ADD2: variants seen among roughly 807,000 people sequenced by gnomAD.
The protein encoded by ADD2 is adducin 2, also known as beta-adducin.
A neutral mutation model predicts 83.0 loss-of-function variants in ADD2; 23 were observed. The ratio of observed to expected loss-of-function variants is 0.28; its 90% CI spans 0.20 to 0.39. The LOEUF (loss-of-function observed/expected upper bound fraction) is 0.39, where lower values mean the gene tolerates loss of function less well. Ranked by LOEUF, ADD2 falls within the 10% of genes least tolerant of loss-of-function variation. The pLI, the probability that ADD2 is intolerant of heterozygous loss-of-function variation, is 1.00. For synonymous variants in ADD2, 375 were observed against 375.4 expected (o/e 1.00, Z 0.01); for missense variants, 758 against 944.9 (o/e 0.80, Z 2.59).
At chr2:70,687,973 GCC>G (rs1553370808) in intron 9 of ADD2, 49 bp downstream of exon 9, 2 of 1,438,208 alleles carry the variant, frequency 1.4e-6, no homozygotes, top group South Asian at 2.3e-5. Context: ...TTGCCCACAG[GCC>G]CCTGTCAGAG....
rs1387630558 is a variant in ADD2 at position 70,661,051 on chromosome 2, G to A, written c.*2374C>T. 1 of 152,116 alleles carries A rather than the reference G, an allele frequency of 6.6e-6. No homozygotes were observed. The highest frequency in any genetic ancestry group is 1.5e-5 in the Non-Finnish European group (1 of 68,028). 9.4% of individuals were successfully genotyped at this position (152,116 alleles called of 1,614,324 possible). ...ACAGGTTCATCTATCAATAGAAAGT[G>A]GGCCCATGGCATAAATTCCCAGAAT... On this transcript the variant is annotated 3_prime_UTR_variant, in exon 16 of 16. Coordinates refer to ENST00000264436, the MANE Select transcript of ADD2 (RefSeq NM_001617.4).
chr2:70,737,701 G>A (rs541152840), intron 1 of ADD2, among the ~76,000 whole-genome samples: 4 of 152,234 alleles, frequency 2.6e-5, no homozygotes, highest in African/African-American at 9.6e-5. Flanking sequence ...TTGTGCACAT[G>A]TACCCTAGAA....
At chr2:70,704,263 T>TGC in intron 4 of ADD2, 58 bp downstream of exon 4, 1 of 913,236 alleles carries the variant, frequency 1.1e-6, no homozygotes, top group Non-Finnish European at 1.7e-6. Context: ...CTCCCTCTCT[T>TGC]CCCCACCCCA....
chr2:70,718,571 A>G (rs571931056), intron 1 of ADD2, among the ~76,000 whole-genome samples: 22 of 152,344 alleles, frequency 1.4e-4, no homozygotes, highest in African/African-American at 5.0e-4. Context: ...GGGTGCACAT[A>G]ATGAGGACCA....
chr2:70,693,333 G>C (rs1008291624), intron 6 of ADD2, among the ~76,000 whole-genome samples: 1 of 152,156 alleles, frequency 6.6e-6, no homozygotes, highest in Non-Finnish European at 1.5e-5. Context: ...TTCACTGACT[G>C]CAGTTGTTCC....
intron 1 of ADD2, among the ~76,000 whole-genome samples, chr2:70,746,379 C>A (rs561218536): frequency 8.5e-4 from 130 of 152,290 alleles, no homozygotes; most frequent in African/African-American, 3.0e-3. Context: ...AAAGAATATG[C>A]AAACATTAAA....
At chr2:70,723,103 C>A (rs1178293301) in intron 1 of ADD2, among the ~76,000 whole-genome samples, 3 of 152,196 alleles carry the variant, frequency 2.0e-5, no homozygotes, top group Non-Finnish European at 4.4e-5. Context: ...TTCCACCATA[C>A]AGGACCATGG....
chr2:70,675,115 C>A, intron 13 of ADD2: 1 of 1,127,562 alleles, frequency 8.9e-7, no homozygotes, highest in Non-Finnish European at 1.1e-6. Context: ...ACCTTTATTG[C>A]AATCCCTTCT....
rs1675613625 is a variant in ADD2, at chr2:70,663,392, A to G, written c.*33T>C. ...GGGAGAAGGGAAGGGGAGGAGAGAG[A>G]GGAGGCAGGAGGGAGCCCAAGGGTG... On this transcript the variant is annotated 3_prime_UTR_variant, in exon 16 of 16. Coordinates refer to ENST00000264436, the MANE Select transcript of ADD2 (RefSeq NM_001617.4). The G allele has an allele frequency of 6.3e-7, 1 of 1,576,528 alleles. No individual in the cohort carries two copies. Among genetic ancestry groups the G allele is most frequent in the Admixed American group, 1.7e-5 (1 of 58,270 alleles).
rs1671904066 is a variant in ADD2 at position 70,706,394 on chromosome 2, C to T, written c.15G>A (p.Thr5=). 2 of 1,606,996 alleles carry T rather than the reference C, an allele frequency of 1.2e-6. No individual in the cohort carries two copies. The highest frequency in any genetic ancestry group is 1.7e-6 in the Non-Finnish European group (2 of 1,176,976). MSEE[T]VPEAASPPPP... is the part of the protein sequence containing the mutation. ...GCGGCGGCGAGGCAGCCTCGGGGAC[C>T]GTCTCTTCGCTCATTTTCCCGGTGG... The change falls in exon 3 of 16, where the codon ACG becomes ACA. Residue 5 remains threonine (T), a synonymous_variant. Transcript: ENST00000264436. This position sits in a 1 kb window ranked among gnomAD's most constrained non-coding sequence, Gnocchi z 5.0.
At chr2:70,681,935 C>T (rs1334240649) in intron 10 of ADD2, among the ~76,000 whole-genome samples, 2 of 152,076 alleles carry the variant, frequency 1.3e-5, no homozygotes, top group African/African-American at 2.4e-5. Context: ...CCAGGCTGGT[C>T]TTGAACTCCT....
At chr2:70,692,082 T>A (rs879992190) in intron 7 of ADD2, among the ~76,000 whole-genome samples, 58 of 152,326 alleles carry the variant, frequency 3.8e-4, no homozygotes, top group Admixed American at 2.9e-3. Flanking sequence ...TGTCAAGATA[T>A]CTCCTTGCCA....
intron 1 of ADD2, among the ~76,000 whole-genome samples, chr2:70,759,881 G>A (rs1674992844): frequency 6.6e-6 from 1 of 152,124 alleles, no homozygotes; most frequent in African/African-American, 2.4e-5. Context: ...ATTTCCCACG[G>A]CCCTTAGATT....
At chr2:70,731,294 T>G (rs1165105837) in intron 1 of ADD2, among the ~76,000 whole-genome samples, 1 of 151,900 alleles carries the variant, frequency 6.6e-6, no homozygotes, top group Non-Finnish European at 1.5e-5. Context: ...CTGGACAGGA[T>G]GCCACTGTCC....
intron 13 of ADD2, 46 bp from the exon 14 acceptor site, chr2:70,674,871 T>A (rs375944055): frequency 5.0e-6 from 8 of 1,589,094 alleles, no homozygotes; most frequent in African/African-American, 1.4e-5. Context: ...AACGCCGCAG[T>A]TGGGGTGCAG....
intron 13 of ADD2, chr2:70,675,452 G>A: frequency 2.0e-6 from 2 of 985,460 alleles, no homozygotes; most frequent in South Asian, 9.4e-5. Context: ...AAAATCACTG[G>A]GTTTTGCCAC....
At chr2:70,666,695 T>C (rs59168387) in intron 15 of ADD2, among the ~76,000 whole-genome samples, 59 of 152,318 alleles carry the variant, frequency 3.9e-4, no homozygotes, top group African/African-American at 1.4e-3. Flanking sequence ...CCCTCATCCA[T>C]GTCCCTTTGC....
rs1035316194 is a variant in ADD2 at position 70,662,736 on chromosome 2, A to G, written c.*689T>C. ...TCTTATGTTGATGAAACCATCCCCA[A>G]TCCTCAGCTTACATGGCTTGCCCCT... On this transcript the variant is annotated 3_prime_UTR_variant, in exon 16 of 16. Transcript: ENST00000264436. The G allele has an allele frequency of 1.3e-5, 2 of 152,230 alleles. No homozygotes were observed. Among genetic ancestry groups the G allele is most frequent in the Non-Finnish European group, 2.9e-5 (2 of 68,072 alleles). The allele number at this position is 152,230 out of a possible 1,614,324, so 9.4% of individuals were successfully genotyped here.
chr2:70,690,551 G>C (rs1346482390), intron 8 of ADD2, among the ~76,000 whole-genome samples: 1 of 152,048 alleles, frequency 6.6e-6, no homozygotes, highest in Non-Finnish European at 1.5e-5. Flanking sequence ...ACATACAAAG[G>C]TAATTACTAT....
Sources: gnomAD v4.1 joint callset for allele counts (sites outside exome capture counted in the v4.1 genomes callset) on GRCh38, gnomAD v4.1.1 for gene constraint, Gnocchi (gnomAD v3.1) non-coding constraint, MANE v1.5 for transcripts, NCBI Gene and HGNC (gene_info 2026-07-23, HGNC 2026-07-21) for gene names.